The following GABRR3 variants were observed in gnomAD, a reference collection of about 807,000 sequenced individuals.
GABRR3 encodes the protein gamma-aminobutyric acid receptor subunit rho-3.
A neutral mutation model predicts 43.2 loss-of-function variants in GABRR3; 29 were observed. The observed-to-expected ratio is 0.67, with a 90% CI of 0.50 to 0.92. The LOEUF (loss-of-function observed/expected upper bound fraction) is 0.92. Ranked by LOEUF, GABRR3 falls within the 40% of genes least tolerant of loss-of-function variation. GABRR3 has a pLI of 0.00. For synonymous variants in GABRR3, 206 were observed against 195.9 expected, an observed-to-expected ratio of 1.05 and a Z score of -0.43; for missense variants, 576 against 572.3, an observed-to-expected ratio of 1.01 and a Z score of -0.07.
intron 9 of GABRR3, among the ~76,000 whole-genome samples, chr3:97,989,321 G>T (rs562390710): frequency 6.6e-6 from 1 of 151,210 alleles, no homozygotes; most frequent in African/African-American, 2.4e-5. Flanking sequence ...GGTAAGTGGT[G>T]GTTGGTAGTA....
rs191346040 is a variant in GABRR3 at position 98,003,082 on chromosome 3, G to A, written c.755-1315C>T. ...GAATACCAAACAATTTTATTACCAG[G>A]AGTAATAAAATATACATCACATAGT... is the stretch of plus-strand genomic sequence containing the variant. On this transcript the variant is annotated intron_variant, in intron 7 of 9. Transcript: ENST00000621172. 5.9e-5 allele frequency among the ~76,000 whole-genome samples: 9 copies of A among 152,074 alleles called. No homozygotes were observed. In the East Asian group the frequency reaches 1.7e-3, roughly 29 times the overall value.
At chr3:97,988,959 G>T (rs1384349512) in intron 9 of GABRR3, among the ~76,000 whole-genome samples, 2 of 150,426 alleles carry the variant, frequency 1.3e-5, no homozygotes, top group Non-Finnish European at 3.0e-5. Flanking sequence ...GTAGGTGGTG[G>T]TGGGGGTGGT....
chr3:98,019,470 C>G (rs376299954), intron 3 of GABRR3, among the ~76,000 whole-genome samples: 1 of 152,134 alleles, frequency 6.6e-6, no homozygotes, highest in Non-Finnish European at 1.5e-5. Flanking sequence ...TGGCCAGGCA[C>G]AGGGATGGCA....
At chr3:98,025,457 T>C (rs927744687) in intron 3 of GABRR3, 110 bp downstream of exon 3, 15 of 635,820 alleles carry the variant, frequency 2.4e-5, no homozygotes, top group Non-Finnish European at 3.4e-5. Context: ...CCTTCTTTTT[T>C]TGTTTTAAAC....
intron 3 of GABRR3, among the ~76,000 whole-genome samples, chr3:98,019,830 C>A (rs1706916505): frequency 6.6e-6 from 1 of 152,146 alleles, no homozygotes; most frequent in Non-Finnish European, 1.5e-5. Context: ...TCCTAAAGTG[C>A]TGGGATTACA....
intron 8 of GABRR3, among the ~76,000 whole-genome samples, chr3:97,994,182 C>G (rs1456101354): frequency 6.6e-6 from 1 of 152,178 alleles, no homozygotes; most frequent in Non-Finnish European, 1.5e-5. Flanking sequence ...GTGATTTACT[C>G]CTAAATGTAC....
chr3:98,008,057 A>C (rs1197082584), intron 6 of GABRR3, 153 bp from the exon 7 acceptor site: 1 of 192,308 alleles, frequency 5.2e-6, no homozygotes, highest in Non-Finnish European at 9.5e-6. Context: ...CAATGGACTG[A>C]TCATACACAC....
intron 2 of GABRR3, among the ~76,000 whole-genome samples, chr3:98,032,838 C>T (rs1489680484): frequency 6.6e-6 from 1 of 152,106 alleles, no homozygotes; most frequent in Non-Finnish European, 1.5e-5. Context: ...TTCATGTTCA[C>T]TCTATTAGTT....
chr3:98,019,894 T>A (rs1292887371), intron 3 of GABRR3, among the ~76,000 whole-genome samples: 1 of 152,232 alleles, frequency 6.6e-6, no homozygotes, highest in Non-Finnish European at 1.5e-5. Context: ...TAGTGTTTAA[T>A]GGTGATTTTG....
chr3:98,014,697 T>C (rs376061563), intron 4 of GABRR3, among the ~76,000 whole-genome samples: 2 of 152,234 alleles, frequency 1.3e-5, no homozygotes, highest in Non-Finnish European at 2.9e-5. Flanking sequence ...AGATTTTGTT[T>C]AGAACTTTCT....
intron 4 of GABRR3, among the ~76,000 whole-genome samples, chr3:98,013,927 C>T (rs368494479): frequency 3.3e-5 from 5 of 152,306 alleles, no homozygotes; most frequent in South Asian, 2.1e-4. Context: ...TGTGATATAG[C>T]AAGTCACCAC....
chr3:98,002,686 A>T (rs73853111), intron 7 of GABRR3, among the ~76,000 whole-genome samples: 3,837 of 152,238 alleles, frequency 0.025, 136 homozygotes, highest in African/African-American at 0.085. Context: ...TACATGAGGA[A>T]ACATGGAAAT....
At chr3:98,034,481 A>G (rs1672084526) in intron 2 of GABRR3, among the ~76,000 whole-genome samples, 1 of 152,138 alleles carries the variant, frequency 6.6e-6, no homozygotes, top group African/African-American at 2.4e-5. Flanking sequence ...CTTGACATTA[A>G]ATGAAGTTGG....
chr3:98,003,605 A>C (rs542178972), intron 7 of GABRR3, among the ~76,000 whole-genome samples: 2 of 152,132 alleles, frequency 1.3e-5, no homozygotes, highest in Non-Finnish European at 2.9e-5. Context: ...TGGGTAGTAC[A>C]ATAAAAAGTC....
At chr3:98,004,300 T>C (rs1157000721) in intron 7 of GABRR3, among the ~76,000 whole-genome samples, 2 of 152,178 alleles carry the variant, frequency 1.3e-5, no homozygotes, top group African/African-American at 4.8e-5. Flanking sequence ...CTTAACTATA[T>C]GACATCATGT....
intron 2 of GABRR3, among the ~76,000 whole-genome samples, chr3:98,026,649 C>CATCATCATCATG (rs1707022838): frequency 6.6e-6 from 1 of 151,478 alleles, no homozygotes; most frequent in Non-Finnish European, 1.5e-5. Flanking sequence ...TCATCATCAT[C>CATCATCATCATG]GTGGGCAGCA....
intron 3 of GABRR3, among the ~76,000 whole-genome samples, chr3:98,023,362 C>G (rs1706975233): frequency 1.3e-5 from 2 of 152,148 alleles, no homozygotes; most frequent in South Asian, 4.1e-4. Flanking sequence ...TTGAAAAGAG[C>G]TTCCAACTGT....
chr3:98,027,998 C>T (rs186264355), intron 2 of GABRR3, among the ~76,000 whole-genome samples: 2 of 151,928 alleles, frequency 1.3e-5, no homozygotes, highest in South Asian at 4.1e-4. Flanking sequence ...TTTATCACTC[C>T]ATCATGTACC....
At chr3:98,026,621 TC>T (rs1707022071) in intron 2 of GABRR3, among the ~76,000 whole-genome samples, 10 of 42,968 alleles carry the variant, frequency 2.3e-4, no homozygotes, top group Admixed American at 1.3e-3. Context: ...ATCATCATCA[TC>T]ATCATCATCA....
Sources: gnomAD v4.1 joint callset for allele counts (sites outside exome capture counted in the v4.1 genomes callset) on GRCh38, gnomAD v4.1.1 for gene constraint, MANE v1.5 for transcripts, NCBI Gene and HGNC (gene_info 2026-07-23, HGNC 2026-07-21) for gene names.